BST1: variants seen among roughly 807,000 people sequenced by gnomAD.
BST1 encodes ADP-ribosyl cyclase/cyclic ADP-ribose hydrolase 2.
Under a neutral mutation model 40.6 loss-of-function variants are expected in BST1, and 49 were observed. The ratio of observed to expected loss-of-function variants is 1.21; its 90% confidence interval spans 0.96 to 1.53. The LOEUF is 1.53. Among genes scored for constraint, BST1 ranks in the 40% most tolerant of loss-of-function variants. BST1 has a pLI of 0.00. For missense variants in BST1, 423 were observed against 395.9 expected (o/e 1.07, Z -0.58); for synonymous variants, 157 against 159.3 (o/e 0.99, Z 0.11).
chr4:15,755,118 T>C, the BST1 span, among the ~76,000 whole-genome samples: 1 of 152,144 alleles, frequency 6.6e-6, no homozygotes, highest in Non-Finnish European at 1.5e-5. Flanking sequence ...TTAGGTTGTT[T>C]GCAATCAGTT....
the BST1 span, among the ~76,000 whole-genome samples, chr4:15,749,615 C>T: frequency 6.6e-6 from 1 of 152,184 alleles, no homozygotes. Context: ...TGCTTAGCAG[C>T]ATAACAAGCC....
At chr4:15,733,126 G>A (rs545425696), downstream of BST1, among the ~76,000 whole-genome samples, 74 of 152,328 alleles carry the variant, frequency 4.9e-4, no homozygotes, top group Non-Finnish European at 9.7e-4. Context: ...TGCCACTGCT[G>A]GCTCGGTGGC....
At chr4:15,755,217 C>T in the BST1 span, among the ~76,000 whole-genome samples, 2 of 152,180 alleles carry the variant, frequency 1.3e-5, no homozygotes, top group African/African-American at 4.8e-5. Flanking sequence ...CAGCTCACTG[C>T]AACCTCCGCC....
In BST1 at chr4:15,715,926, G is replaced by A. The variant is rs539070839; in HGVS notation, c.704+127G>A. On this transcript the variant is annotated intron_variant, in intron 6 of 8. Transcript: ENST00000265016. ...AGCCTTCTTTGCTTCTAATGGGGTTGGTAGAGAAAGACAAAAGCTTGACTT... is the reference window on the plus strand; with the variant it reads ...AGCCTTCTTTGCTTCTAATGGGGTTAGTAGAGAAAGACAAAAGCTTGACTT... 7.7e-6 allele frequency: 5 copies of A among 647,186 alleles called. No individual in the cohort carries two copies. In the South Asian group the frequency reaches 1.2e-4, roughly 16 times the overall value. The allele number at this position is 647,186 out of a possible 1,614,324, so 40.1% of individuals were successfully genotyped here.
the BST1 span, among the ~76,000 whole-genome samples, chr4:15,754,054 G>A: frequency 2.6e-5 from 4 of 152,192 alleles, no homozygotes; most frequent in Non-Finnish European, 4.4e-5. Context: ...CAAAGGGAGA[G>A]GCTGGAAGAT....
intron 5 of BST1, 135 bp downstream of exon 5, chr4:15,715,496 G>A: frequency 2.1e-6 from 2 of 954,478 alleles, no homozygotes; most frequent in Non-Finnish European, 3.2e-6. Flanking sequence ...AAGCAAAACA[G>A]ATGAATGACC....
rs530478662 is a variant in BST1, at chr4:15,715,784, T to C, written c.689T>C (p.Ile230Thr). Reference sequence around the variant, plus strand: ...ATCGAGATCTGGGTTATGCATGAAATTGGGGGACCCAATGTGTAAGTTATG... The same window carrying C: ...ATCGAGATCTGGGTTATGCATGAAACTGGGGGACCCAATGTGTAAGTTATG... ...TRIEIWVMHEIGGPNVESCGE... is the reference protein window; with the variant it reads ...TRIEIWVMHETGGPNVESCGE... The change falls in exon 6 of 9, where the codon ATT (isoleucine) becomes ACT (threonine). Residue 230 changes from isoleucine to threonine, a missense_variant. Physicochemically the swap from Ile to Thr is moderately conservative, Grantham distance 89 (BLOSUM62 -1). Transcript: ENST00000265016. 6.9e-6 allele frequency: 11 copies of C among 1,590,566 alleles called. No homozygotes were observed. The highest frequency in any genetic ancestry group is 6.8e-5 in the East Asian group (3 of 44,316).
At chr4:15,761,882 T>C in the BST1 span, among the ~76,000 whole-genome samples, 1 of 151,996 alleles carries the variant, frequency 6.6e-6, no homozygotes, top group African/African-American at 2.4e-5. Flanking sequence ...TATGTGCTAT[T>C]TTCTTTTTTT....
intron 8 of BST1, among the ~76,000 whole-genome samples, chr4:15,728,449 C>CTTTTTTTTTT (rs974237825): frequency 8.4e-6 from 1 of 119,596 alleles, no homozygotes; most frequent in Non-Finnish European, 1.7e-5. Flanking sequence ...AATTCTTTTT[C>CTTTTTTTTTT]TTTTTTTTTT....
At chr4:15,759,539 T>C in the BST1 span, among the ~76,000 whole-genome samples, 1 of 151,960 alleles carries the variant, frequency 6.6e-6, no homozygotes, top group Non-Finnish European at 1.5e-5. Context: ...ATTTTTCTTC[T>C]TTTTTCTTTC....
the BST1 span, among the ~76,000 whole-genome samples, chr4:15,770,711 A>G: frequency 6.6e-6 from 1 of 151,830 alleles, no homozygotes; most frequent in Non-Finnish European, 1.5e-5. Flanking sequence ...AAACAAACAA[A>G]CAAATAAACA....
In BST1 at chr4:15,703,291, C is replaced by T. The variant is rs1339031556; in HGVS notation, c.147C>T (p.Gly49=). The change falls in exon 1 of 9, where the codon GGC becomes GGT. Residue 49 remains glycine (G), a synonymous_variant. Transcript: ENST00000265016. ...CACACTTGCGGGACATCTTCCTGGG[C>T]CGCTGCGCCGAGTACCGCGCACTGC... ...TSAHLRDIFL[G]RCAEYRALLS... 1 of 1,531,958 alleles carries T rather than the reference C, an allele frequency of 6.5e-7. No homozygotes were observed. The highest frequency in any genetic ancestry group is 8.7e-7 in the Non-Finnish European group (1 of 1,145,458). The allele number at this position is 1,531,958 out of a possible 1,614,324, so 94.9% of individuals were successfully genotyped here.
At chr4:15,750,304 A>T in the BST1 span, among the ~76,000 whole-genome samples, 12 of 152,140 alleles carry the variant, frequency 7.9e-5, no homozygotes, top group Admixed American at 7.9e-4. Flanking sequence ...GGATTACAGG[A>T]GTGAGCCACT....
downstream of BST1, among the ~76,000 whole-genome samples, chr4:15,736,696 G>A (rs918721429): frequency 7.2e-5 from 11 of 151,968 alleles, no homozygotes; most frequent in African/African-American, 2.2e-4. Context: ...AGACCCCACT[G>A]CACTCTCCAT....
rs1194818648 is a variant in BST1, at chr4:15,706,523, A to G, written c.315+882A>G. On this transcript the variant is annotated intron_variant, in intron 2 of 8. Coordinates refer to ENST00000265016, the MANE Select transcript of BST1 (RefSeq NM_004334.3). ...CACTCTCAGGTCTAATAAAATGAAA[A>G]TAATGAGAAAATTTCCATAAAACCC... Among the ~76,000 whole-genome samples, 4 of 152,384 alleles carry G rather than the reference A, an allele frequency of 2.6e-5. No individual in the cohort carries two copies. The East Asian group carries it at 7.7e-4, about 29-fold the overall frequency.
chr4:15,722,654 A>T (rs1346210263), intron 7 of BST1, among the ~76,000 whole-genome samples: 1 of 150,164 alleles, frequency 6.7e-6, no homozygotes, highest in African/African-American at 2.5e-5. Flanking sequence ...GCTGGTCTCA[A>T]ACTCCTGGTC....
At position 15,704,860 on chromosome 4, in the gene BST1, C is replaced by G. The variant is rs1328444115; in HGVS notation, c.189-655C>G. 3.7e-5 allele frequency: 26 copies of G among 710,988 alleles called. No individual in the cohort carries two copies. The Admixed American group carries it at 5.2e-4, about 14-fold the overall frequency. The allele number at this position is 710,988 out of a possible 1,614,324, so 44.0% of individuals were successfully genotyped here. On this transcript the variant is annotated intron_variant, in intron 1 of 8. Coordinates refer to ENST00000265016, the MANE Select transcript of BST1 (RefSeq NM_004334.3). ...GATTTTTGTTCCTTCTGTGGCCCCC[C>G]TTTTCTTATGTTTGTGATGTCTTTC... is the stretch of plus-strand genomic sequence containing the variant.
At chr4:15,707,401 G>A in intron 2 of BST1, 110 bp from the exon 3 acceptor site, 1 of 1,246,892 alleles carries the variant, frequency 8.0e-7, no homozygotes, top group African/African-American at 1.5e-5. Context: ...TGTGCAGCAG[G>A]TCAGAGTTGA....
At chr4:15,704,873 T>G (rs769196257) in intron 1 of BST1, 1 of 709,304 alleles carries the variant, frequency 1.4e-6, no homozygotes, top group East Asian at 2.5e-5. Context: ...TTCTTATGTT[T>G]GTGATGTCTT....
Sources: allele counts gnomAD v4.1 joint callset (sites outside exome capture counted in the v4.1 genomes callset), GRCh38; gene constraint gnomAD v4.1.1; transcripts MANE v1.5; gene names NCBI Gene and HGNC (gene_info 2026-07-23, HGNC 2026-07-21).